The following MATCAP2 variants were observed in gnomAD, a reference collection of about 807,000 sequenced individuals.
MATCAP2 encodes the protein putative tyrosine carboxypeptidase MATCAP2.
At chr7:36,357,102 T>C in the MATCAP2 span, 4 of 1,614,214 alleles carry the variant, frequency 2.5e-6, no homozygotes, top group Non-Finnish European at 3.4e-6. Flanking sequence ...TCAAAGCTTC[T>C]AGACAGCTGA....
At chr7:36,384,781 C>G in the MATCAP2 span, among the ~76,000 whole-genome samples, 1 of 150,544 alleles carries the variant, frequency 6.6e-6, no homozygotes, top group East Asian at 1.9e-4. Context: ...AGTGTCCAGG[C>G]AGTGGAAAGT....
the MATCAP2 span, chr7:36,383,892 C>T: frequency 6.2e-7 from 1 of 1,604,830 alleles, no homozygotes; most frequent in Non-Finnish European, 8.5e-7. Flanking sequence ...GCTCTTCTTG[C>T]CACTGCCTTA....
chr7:36,337,450 G>C, the MATCAP2 span, among the ~76,000 whole-genome samples: 1 of 152,112 alleles, frequency 6.6e-6, no homozygotes, highest in Non-Finnish European at 1.5e-5. Flanking sequence ...GGGAAAAAAA[G>C]CTACAAAATT....
At chr7:36,350,343 C>A in the MATCAP2 span, among the ~76,000 whole-genome samples, 1 of 152,070 alleles carries the variant, frequency 6.6e-6, no homozygotes, top group Non-Finnish European at 1.5e-5. Context: ...TCCATTCACA[C>A]TATAAACGCT....
the MATCAP2 span, among the ~76,000 whole-genome samples, chr7:36,336,960 G>A: frequency 6.6e-6 from 1 of 151,294 alleles, no homozygotes; most frequent in East Asian, 1.9e-4. Flanking sequence ...GCCAGACATG[G>A]TGGCACATGC....
chr7:36,348,104 G>A, the MATCAP2 span, among the ~76,000 whole-genome samples: 5 of 152,060 alleles, frequency 3.3e-5, no homozygotes, highest in African/African-American at 7.2e-5. Context: ...TAGGTGGTGC[G>A]CCTCAGAACA....
the MATCAP2 span, among the ~76,000 whole-genome samples, chr7:36,343,674 G>GGAAGGAAGGAAA: frequency 7.6e-4 from 112 of 148,312 alleles, 1 homozygote; most frequent in African/African-American, 2.6e-3. Context: ...AGAAAGTAAA[G>GGAAGGAAGGAAA]GAAGGAAGGA....
At chr7:36,326,060 G>A in the MATCAP2 span, 21 of 151,990 alleles carry the variant, frequency 1.4e-4, no homozygotes, top group Admixed American at 1.1e-3. Context: ...TGGAAAAGAC[G>A]TTAAAACTCT....
At chr7:36,344,924 A>G in the MATCAP2 span, among the ~76,000 whole-genome samples, 1 of 152,206 alleles carries the variant, frequency 6.6e-6, no homozygotes, top group African/African-American at 2.4e-5. Context: ...GTAACATTAC[A>G]AATTTTCATA....
At chr7:36,345,314 T>G in the MATCAP2 span, among the ~76,000 whole-genome samples, 1 of 152,232 alleles carries the variant, frequency 6.6e-6, no homozygotes, top group African/African-American at 2.4e-5. Context: ...GAGAATATAT[T>G]TTTAAATTTT....
the MATCAP2 span, among the ~76,000 whole-genome samples, chr7:36,378,501 G>A: frequency 6.6e-6 from 1 of 152,226 alleles, no homozygotes; most frequent in African/African-American, 2.4e-5. Context: ...GCTGTATGAG[G>A]TGTCAGTTGA....
At chr7:36,334,247 C>T in the MATCAP2 span, 39 of 1,226,434 alleles carry the variant, frequency 3.2e-5, 1 homozygote, top group South Asian at 5.6e-4. Flanking sequence ...ATCAACAATC[C>T]TAAAACCAGC....
chr7:36,374,048 A>G, the MATCAP2 span, among the ~76,000 whole-genome samples: 1 of 152,124 alleles, frequency 6.6e-6, no homozygotes, highest in Admixed American at 6.6e-5. Flanking sequence ...CTGGGATTAC[A>G]GGCGTGAGCC....
the MATCAP2 span, among the ~76,000 whole-genome samples, chr7:36,337,098 C>CAAAAAAAAA: frequency 0.029 from 530 of 18,524 alleles, 166 homozygotes; most frequent in East Asian, 0.17. Flanking sequence ...AACTCCATCT[C>CAAAAAAAAA]AAAAAAAAAA....
At chr7:36,334,000 G>A in the MATCAP2 span, 1 of 1,613,990 alleles carries the variant, frequency 6.2e-7, no homozygotes, top group Non-Finnish European at 8.5e-7. Flanking sequence ...TAGTAGAGGA[G>A]GGCAGCCCTC....
the MATCAP2 span, among the ~76,000 whole-genome samples, chr7:36,366,261 GT>G: frequency 1.3e-5 from 2 of 151,950 alleles, no homozygotes; most frequent in African/African-American, 4.8e-5. Context: ...ATTATGTAAG[GT>G]TTTTTTTAAT....
the MATCAP2 span, among the ~76,000 whole-genome samples, chr7:36,332,733 G>A: frequency 2.0e-5 from 3 of 152,218 alleles, no homozygotes; most frequent in Non-Finnish European, 4.4e-5. Context: ...TTCAAGACCA[G>A]CCTGGCCAAT....
the MATCAP2 span, chr7:36,356,990 G>A: frequency 6.2e-7 from 1 of 1,614,126 alleles, no homozygotes. Flanking sequence ...AGGATTGTAG[G>A]TATAGTCAGA....
the MATCAP2 span, among the ~76,000 whole-genome samples, chr7:36,383,680 G>A: frequency 6.6e-6 from 1 of 152,154 alleles, no homozygotes; most frequent in Non-Finnish European, 1.5e-5. Context: ...GAGAGTTAGG[G>A]GAGGGATAGC....
Sources: allele counts gnomAD v4.1 joint callset (sites outside exome capture counted in the v4.1 genomes callset), GRCh38; gene constraint gnomAD v4.1.1; transcripts MANE v1.5; gene names NCBI Gene and HGNC (gene_info 2026-07-23, HGNC 2026-07-21).